Variants in FANCL observed in about 807,000 individuals in gnomAD.
FANCL encodes the protein FA complementation group L.
FANCL carries 69 observed loss-of-function variants against 59.4 expected under a neutral mutation model. That is an observed-to-expected ratio of 1.16 (90% CI 0.96 to 1.42). The LOEUF is 1.42. Among genes scored for constraint, FANCL ranks in the 40% most tolerant of loss-of-function variants. The pLI is 0.00. For synonymous variants in FANCL, 180 were observed against 147.1 expected, an observed-to-expected ratio of 1.22 and a Z score of -1.62; for missense variants, 519 against 447.2, an observed-to-expected ratio of 1.16 and a Z score of -1.45.
intron 5 of FANCL, among the ~76,000 whole-genome samples, chr2:58,211,276 G>A (rs1023538505): frequency 6.6e-6 from 1 of 152,232 alleles, no homozygotes; most frequent in Non-Finnish European, 1.5e-5. Context: ...AAGCTGCCAA[G>A]GCTTGGGGTT....
intron 7 of FANCL, among the ~76,000 whole-genome samples, chr2:58,174,470 C>T (rs1299899786): frequency 6.6e-6 from 1 of 152,134 alleles, no homozygotes; most frequent in Non-Finnish European, 1.5e-5. Flanking sequence ...AACTAGAACT[C>T]AGGATTAAGA....
chr2:58,161,507 A>G lies in FANCL; in HGVS notation c.1020+15T>C, dbSNP rs201733792. The G allele has an allele frequency of 2.5e-4, 373 of 1,495,032 alleles. 1 individual carries two copies. Among genetic ancestry groups the G allele is most frequent in the Non-Finnish European group, 3.4e-4 (365 of 1,072,076 alleles). 92.6% of individuals were successfully genotyped at this position (1,495,032 alleles called of 1,614,324 possible). ...GTTAGCGGAAAAAAGTCTTGACAAT[A>G]TTTTTATTTTTTACCTCATATAAGC... On this transcript the variant is annotated intron_variant, in intron 12 of 13. Transcript: ENST00000233741.
intron 5 of FANCL, among the ~76,000 whole-genome samples, chr2:58,216,727 C>T (rs1370609926): frequency 6.6e-6 from 1 of 152,040 alleles, no homozygotes; most frequent in Non-Finnish European, 1.5e-5. Context: ...AGAATGCACA[C>T]TGTCCACCTT....
At chr2:58,214,960 T>C (rs1691560344) in intron 5 of FANCL, among the ~76,000 whole-genome samples, 1 of 152,220 alleles carries the variant, frequency 6.6e-6, no homozygotes, top group African/African-American at 2.4e-5. Context: ...CTTATTGCAC[T>C]TCTCTCAACC....
intron 6 of FANCL, among the ~76,000 whole-genome samples, chr2:58,199,041 A>G (rs1019875415): frequency 3.3e-5 from 5 of 151,924 alleles, no homozygotes; most frequent in African/African-American, 7.2e-5. Context: ...AAAAAAAAAA[A>G]AAAAGAAAAA....
intron 2 of FANCL, among the ~76,000 whole-genome samples, chr2:58,230,855 G>A (rs779182717): frequency 3.3e-5 from 5 of 152,064 alleles, no homozygotes; most frequent in Non-Finnish European, 7.4e-5. Flanking sequence ...TCTCCTTAAT[G>A]AATTAACTTG....
At chr2:58,168,931 G>A (rs950119580) in intron 7 of FANCL, among the ~76,000 whole-genome samples, 1 of 152,190 alleles carries the variant, frequency 6.6e-6, no homozygotes, top group East Asian at 1.9e-4. Flanking sequence ...ACCTCTGAAA[G>A]AACAGCAGCA....
chr2:58,238,029 C>T (rs967370461), intron 1 of FANCL, among the ~76,000 whole-genome samples: 1 of 152,164 alleles, frequency 6.6e-6, no homozygotes, highest in African/African-American at 2.4e-5. Flanking sequence ...GGCCTCATGG[C>T]CAATAGCTAT....
chr2:58,185,140 C>T (rs1302300102), intron 7 of FANCL, among the ~76,000 whole-genome samples: 1 of 151,786 alleles, frequency 6.6e-6, no homozygotes, highest in African/African-American at 2.4e-5. Flanking sequence ...TCTAATCTTC[C>T]TATGGTGAAA....
At chr2:58,229,115 T>G (rs969626325) in intron 3 of FANCL, among the ~76,000 whole-genome samples, 12 of 152,152 alleles carry the variant, frequency 7.9e-5, no homozygotes, top group African/African-American at 2.7e-4. Flanking sequence ...AGAGTTACTG[T>G]GATTGTCAGT....
At chr2:58,238,442 C>T (rs72948894) in intron 1 of FANCL, among the ~76,000 whole-genome samples, 334 of 152,164 alleles carry the variant, frequency 2.2e-3, no homozygotes, top group African/African-American at 7.8e-3. Flanking sequence ...CAAAAGATAA[C>T]CAACATAGAG....
rs374750427 is a variant in FANCL at position 58,198,677 on chromosome 2, T to C, written c.472-15A>G. 11 of 1,603,774 alleles carry C rather than the reference T, an allele frequency of 6.9e-6. No homozygotes were observed. The highest frequency in any genetic ancestry group is 1.7e-4 in the Middle Eastern group (1 of 6,024). ...TCTGCAGGATACTATTAAAAAAGCA[T>C]AACATTAGACCATTTTTGCTTCTGT... On this transcript the variant is annotated splice_polypyrimidine_tract_variant and intron_variant, in intron 6 of 13. Transcript: ENST00000233741.
intron 5 of FANCL, among the ~76,000 whole-genome samples, chr2:58,207,198 C>T (rs1450125846): frequency 6.6e-6 from 1 of 152,076 alleles, no homozygotes; most frequent in Non-Finnish European, 1.5e-5. Context: ...CTCTCCTTTC[C>T]TGTAGACTAC....
Position 58,159,726 on chromosome 2 carries a change from TAA to T in FANCL, c.*37_*38del. ...ACCAAAATTCCTTTTGATAATTTTT[TAA>T]GTTTCCAGCTCTTCACCGAAATGTT... On this transcript the variant is annotated 3_prime_UTR_variant, in exon 14 of 14. Transcript: ENST00000233741. 6.2e-7 allele frequency: 1 copy of T among 1,612,416 alleles called. No homozygotes were observed. Among genetic ancestry groups the T allele is most frequent in the Non-Finnish European group, 8.5e-7 (1 of 1,179,496 alleles).
At chr2:58,175,319 G>A (rs1208006815) in intron 7 of FANCL, among the ~76,000 whole-genome samples, 1 of 148,828 alleles carries the variant, frequency 6.7e-6, no homozygotes, top group Non-Finnish European at 1.5e-5. Flanking sequence ...AAGCCGGGCA[G>A]AGACACAACC....
chr2:58,173,342 A>C (rs1686882047), intron 7 of FANCL, among the ~76,000 whole-genome samples: 1 of 152,204 alleles, frequency 6.6e-6, no homozygotes, highest in African/African-American at 2.4e-5. Flanking sequence ...TGTCAGATTC[A>C]CCAAAGTTGA....
chr2:58,191,722 C>T (rs1005625895), intron 7 of FANCL, among the ~76,000 whole-genome samples: 4 of 151,768 alleles, frequency 2.6e-5, no homozygotes, highest in African/African-American at 9.7e-5. Context: ...CACAAATATA[C>T]AATATCATTA....
intron 7 of FANCL, among the ~76,000 whole-genome samples, chr2:58,179,413 G>T (rs988289144): frequency 1.3e-5 from 2 of 151,916 alleles, no homozygotes; most frequent in African/African-American, 4.8e-5. Flanking sequence ...CAAAACAGAG[G>T]CCTCAGAAAT....
chr2:58,230,215 T>TATCATACATTATTTGATACATCAA (rs1336885425), intron 2 of FANCL, among the ~76,000 whole-genome samples: 2 of 152,242 alleles, frequency 1.3e-5, no homozygotes, highest in Non-Finnish European at 2.9e-5. Flanking sequence ...TATCATCAAA[T>TATCATACATTATTTGATACATCAA]ATAATGTATC....
Sources: allele counts gnomAD v4.1 joint callset (sites outside exome capture counted in the v4.1 genomes callset), GRCh38; gene constraint gnomAD v4.1.1; transcripts MANE v1.5; gene names NCBI Gene and HGNC (gene_info 2026-07-23, HGNC 2026-07-21).